Variants in CACNA1E observed in about 807,000 individuals in gnomAD.
CACNA1E encodes calcium voltage-gated channel subunit alpha1 E.
In CACNA1E, 40 loss-of-function variants were observed where a neutral mutation model predicts 259.2. That is an observed-to-expected ratio of 0.15 (90% CI 0.12 to 0.20). The LOEUF is 0.20. Among genes scored for constraint, CACNA1E ranks in the 10% least tolerant of loss-of-function variants. CACNA1E has a pLI of 1.00. For synonymous variants in CACNA1E, 1,104 were observed against 1,138.5 expected, an observed-to-expected ratio of 0.97 and a Z score of 0.61; for missense variants, 1,874 against 3,040.1, an observed-to-expected ratio of 0.62 and a Z score of 9.02.
chr1:181,766,304 A>T (rs1040341844), intron 34 of CACNA1E, among the ~76,000 whole-genome samples: 3 of 152,180 alleles, frequency 2.0e-5, no homozygotes, highest in African/African-American at 7.2e-5. Flanking sequence ...TGGGTGAGTG[A>T]ATCTCCCTGA....
At chr1:181,513,020 A>C (rs1315442781) in intron 3 of CACNA1E, among the ~76,000 whole-genome samples, 1 of 152,220 alleles carries the variant, frequency 6.6e-6, no homozygotes, top group Non-Finnish European at 1.5e-5. Context: ...GTGTTGTATA[A>C]GTCACTACAG....
At chr1:181,550,521 G>A (rs1469466112) in intron 3 of CACNA1E, among the ~76,000 whole-genome samples, 6 of 152,234 alleles carry the variant, frequency 3.9e-5, no homozygotes, top group African/African-American at 1.4e-4. Flanking sequence ...AAAATATGGA[G>A]GGCCTGGGAT....
At chr1:181,604,230 C>CA (rs1213668225) in intron 6 of CACNA1E, among the ~76,000 whole-genome samples, 1 of 152,226 alleles carries the variant, frequency 6.6e-6, no homozygotes, top group African/African-American at 2.4e-5. Context: ...ACTGGGGTCC[C>CA]ACTCACCACC....
chr1:181,365,024 G>A (rs2101932025), intron 1 of CACNA1E, among the ~76,000 whole-genome samples: 1 of 152,322 alleles, frequency 6.6e-6, no homozygotes. Flanking sequence ...GGCCTGGGAG[G>A]TCTCATTCAC....
intron 28 of CACNA1E, among the ~76,000 whole-genome samples, chr1:181,755,617 A>G (rs1031298072): frequency 1.3e-5 from 2 of 152,164 alleles, no homozygotes; most frequent in African/African-American, 4.8e-5. Context: ...GACATTTTAC[A>G]CTCGAGTTTT....
At chr1:181,748,834 G>C (rs976856637) in intron 25 of CACNA1E, among the ~76,000 whole-genome samples, 1 of 152,052 alleles carries the variant, frequency 6.6e-6, no homozygotes, top group Non-Finnish European at 1.5e-5. Flanking sequence ...AACCTCATTT[G>C]TTCACAACTG....
intron 7 of CACNA1E, among the ~76,000 whole-genome samples, chr1:181,666,927 A>G (rs964973189): frequency 2.6e-4 from 39 of 152,260 alleles, no homozygotes; most frequent in African/African-American, 8.9e-4. Context: ...GAGCTAGTAC[A>G]TGCATTTTAA....
chr1:181,492,110 G>T (rs1664368089), intron 1 of CACNA1E, among the ~76,000 whole-genome samples: 1 of 152,144 alleles, frequency 6.6e-6, no homozygotes, highest in South Asian at 2.1e-4. Context: ...ACTTGATGCA[G>T]GCTTTCTCAC....
chr1:181,527,053 T>C (rs1019670693), intron 3 of CACNA1E, among the ~76,000 whole-genome samples: 4 of 152,268 alleles, frequency 2.6e-5, no homozygotes, highest in African/African-American at 9.6e-5. Context: ...CTACTTGTGC[T>C]GGATTATGCT....
At chr1:181,368,906 T>C (rs1156869349) in intron 1 of CACNA1E, among the ~76,000 whole-genome samples, 1 of 152,156 alleles carries the variant, frequency 6.6e-6, no homozygotes, top group Non-Finnish European at 1.5e-5. Flanking sequence ...CTCAGAATAC[T>C]CTCCCTACAT....
At chr1:181,774,196 G>T (rs1659768381) in intron 37 of CACNA1E, among the ~76,000 whole-genome samples, 1 of 152,240 alleles carries the variant, frequency 6.6e-6, no homozygotes, top group Admixed American at 6.5e-5. Context: ...CTTAATGACT[G>T]TTCAAATGAA....
chr1:181,431,931 C>A (rs1371454316), intron 2 of CACNA1E, among the ~76,000 whole-genome samples: 2 of 152,288 alleles, frequency 1.3e-5, no homozygotes, highest in African/African-American at 4.8e-5. Context: ...CAGGAGGAGG[C>A]AGCCTGGGCC....
At chr1:181,537,095 C>CT (rs201514362) in intron 3 of CACNA1E, among the ~76,000 whole-genome samples, 11,284 of 112,110 alleles carry the variant, frequency 0.1, 659 homozygotes, top group African/African-American at 0.12. Flanking sequence ...TTTTTCTTTT[C>CT]TTTTTTTTTT....
At chr1:181,623,876 G>A (rs1174018258) in intron 6 of CACNA1E, among the ~76,000 whole-genome samples, 1 of 152,230 alleles carries the variant, frequency 6.6e-6, no homozygotes, top group African/African-American at 2.4e-5. Context: ...TGGGATGACT[G>A]TGGCAGTGTC....
chr1:181,490,539 G>A (rs1366554267), intron 1 of CACNA1E, among the ~76,000 whole-genome samples: 3 of 140,038 alleles, frequency 2.1e-5, no homozygotes, highest in Non-Finnish European at 4.6e-5. Context: ...CCTGTGCCAA[G>A]CATGTTTTTT....
intron 1 of CACNA1E, among the ~76,000 whole-genome samples, chr1:181,370,285 T>C (rs1409326814): frequency 6.6e-6 from 1 of 151,708 alleles, no homozygotes. Context: ...TTTTTTTTTT[T>C]CTTTCAACTT....
At chr1:181,783,647 T>TTTTTG in intron 39 of CACNA1E, 32 bp from the exon 40 acceptor site, 1 of 1,193,692 alleles carries the variant, frequency 8.4e-7, no homozygotes. Context: ...TTTTTTTTTT[T>TTTTTG]GCCTGCTGTT....
chr1:181,751,665 ATCAAT>A (rs1572795851), intron 26 of CACNA1E, among the ~76,000 whole-genome samples: 1 of 152,238 alleles, frequency 6.6e-6, no homozygotes, highest in East Asian at 1.9e-4. Context: ...CTGTGGGTTC[ATCAAT>A]TCAGCGAATA....
chr1:181,397,421 C>A (rs1173794593), intron 1 of CACNA1E, among the ~76,000 whole-genome samples: 4 of 152,190 alleles, frequency 2.6e-5, no homozygotes, highest in Admixed American at 2.6e-4. Flanking sequence ...CTGCCTCAGC[C>A]TTCCAAGTAG....
Sources: allele counts gnomAD v4.1 joint callset (sites outside exome capture counted in the v4.1 genomes callset), GRCh38; gene constraint gnomAD v4.1.1; transcripts MANE v1.5; gene names NCBI Gene and HGNC (gene_info 2026-07-23, HGNC 2026-07-21).